Variants in ATP8A2 observed in about 807,000 individuals in gnomAD.
ATP8A2 encodes phospholipid-transporting ATPase IB.
Under a neutral mutation model 165.6 loss-of-function variants are expected in ATP8A2, and 100 were observed. The observed-to-expected ratio is 0.60, with a 90% CI of 0.51 to 0.71. The LOEUF (loss-of-function observed/expected upper bound fraction) is 0.71. Among genes scored for constraint, ATP8A2 ranks in the 30% least tolerant of loss-of-function variants. The pLI is 0.00. For missense variants in ATP8A2, 1,227 were observed against 1,479.5 expected, an observed-to-expected ratio of 0.83 and a Z score of 2.80; for synonymous variants, 543 against 548.8, an observed-to-expected ratio of 0.99 and a Z score of 0.15.
chr13:25,701,210 T>A (rs2137923475), intron 25 of ATP8A2, among the ~76,000 whole-genome samples: 1 of 152,298 alleles, frequency 6.6e-6, no homozygotes, highest in Non-Finnish European at 1.5e-5. Context: ...TATCTTTTTC[T>A]TTTGTGCTTT....
At chr13:25,633,198 G>A (rs1279107619) in intron 24 of ATP8A2, among the ~76,000 whole-genome samples, 2 of 152,154 alleles carry the variant, frequency 1.3e-5, no homozygotes, top group Non-Finnish European at 2.9e-5. Context: ...AATGAGGCAT[G>A]ATATTGTTAC....
intron 13 of ATP8A2, 111 bp from the exon 14 acceptor site, chr13:25,558,862 A>G (rs2039059201): frequency 1.5e-6 from 1 of 651,488 alleles, no homozygotes; most frequent in Non-Finnish European, 2.5e-6. Flanking sequence ...TGCTTTAGGG[A>G]AATCTACCCG....
At chr13:25,993,284 G>T (rs1956431745) in intron 35 of ATP8A2, among the ~76,000 whole-genome samples, 1 of 152,144 alleles carries the variant, frequency 6.6e-6, no homozygotes, top group African/African-American at 2.4e-5. Flanking sequence ...CAAACCCACA[G>T]CCAATATCAT....
chr13:25,533,161 T>C, intron 5 of ATP8A2, 112 bp from the exon 6 acceptor site: 1 of 672,420 alleles, frequency 1.5e-6, no homozygotes, highest in Admixed American at 2.5e-5. Context: ...TGGCTAAAGA[T>C]AGGGTATGTT....
chr13:25,654,680 T>C (rs933848232), intron 24 of ATP8A2, among the ~76,000 whole-genome samples: 1 of 152,192 alleles, frequency 6.6e-6, no homozygotes, highest in Non-Finnish European at 1.5e-5. Context: ...CTGTCCTTAG[T>C]CTGTGCCCTT....
chr13:25,751,365 A>G (rs914613003), intron 25 of ATP8A2, among the ~76,000 whole-genome samples: 1 of 152,216 alleles, frequency 6.6e-6, no homozygotes, highest in African/African-American at 2.4e-5. Context: ...CATCACTGAA[A>G]TGGCTTCATT....
At chr13:25,988,352 A>G (rs1380261686) in intron 35 of ATP8A2, among the ~76,000 whole-genome samples, 2 of 152,246 alleles carry the variant, frequency 1.3e-5, no homozygotes, top group African/African-American at 4.8e-5. Context: ...GATGGCAGCC[A>G]TATGCTTTCT....
At chr13:25,620,159 A>G (rs2040932090) in intron 24 of ATP8A2, among the ~76,000 whole-genome samples, 1 of 152,242 alleles carries the variant, frequency 6.6e-6, no homozygotes, top group Admixed American at 6.5e-5. Context: ...AACAAGGATC[A>G]GTAAATACAT....
chr13:25,761,511 T>C (rs1358175101), intron 25 of ATP8A2, among the ~76,000 whole-genome samples: 5 of 152,080 alleles, frequency 3.3e-5, no homozygotes, highest in African/African-American at 1.2e-4. Context: ...GGCAAAGTGA[T>C]GCACACCTGC....
At position 25,542,042 on chromosome 13, in the gene ATP8A2, A is replaced by T; in HGVS notation, c.775A>T (p.Lys259Ter). 1 of 1,613,668 alleles carries T rather than the reference A, an allele frequency of 6.2e-7. No individual in the cohort carries two copies. The highest frequency in any genetic ancestry group is 8.5e-7 in the Non-Finnish European group (1 of 1,179,636). Reference sequence around the variant, plus strand: ...CACTGGAAACTTGAACTTAGATGGGAAAAGGTATTATATGCCTTTTCTTCA... The same window carrying T: ...CACTGGAAACTTGAACTTAGATGGGTAAAGGTATTATATGCCTTTTCTTCA... ...DFTGNLNLDG[K>*]SLVALGPDQI... The change falls in exon 9 of 37, where the codon AAA becomes TAA. Residue 259 changes from lysine to a stop codon, truncating the protein, a stop_gained. Transcript: ENST00000381655. LOFTEE classifies it high-confidence loss of function.
At chr13:25,489,733 T>C (rs568924974) in intron 2 of ATP8A2, among the ~76,000 whole-genome samples, 41 of 152,358 alleles carry the variant, frequency 2.7e-4, no homozygotes, top group African/African-American at 9.1e-4. Context: ...TAATTGCTTA[T>C]TGAACAAAGT....
chr13:25,834,954 C>T (rs979482650), intron 28 of ATP8A2, among the ~76,000 whole-genome samples: 14 of 150,640 alleles, frequency 9.3e-5, no homozygotes, highest in African/African-American at 3.2e-4. Flanking sequence ...CCAGTGTCAA[C>T]GTTTTATGAA....
At chr13:25,564,262 A>G in intron 16 of ATP8A2, among the ~76,000 whole-genome samples, 1 of 152,224 alleles carries the variant, frequency 6.6e-6, no homozygotes, top group East Asian at 1.9e-4. Flanking sequence ...CACCAAGATC[A>G]AGACGAGTTT....
chr13:25,904,787 A>G (rs978741566), intron 33 of ATP8A2, among the ~76,000 whole-genome samples: 6 of 152,178 alleles, frequency 3.9e-5, no homozygotes, highest in Non-Finnish European at 8.8e-5. Context: ...TCATTCTCTC[A>G]TCAGACTCTG....
At chr13:25,908,412 G>C (rs1954009631) in intron 33 of ATP8A2, among the ~76,000 whole-genome samples, 1 of 152,212 alleles carries the variant, frequency 6.6e-6, no homozygotes, top group South Asian at 2.1e-4. Flanking sequence ...ACTGATCTTG[G>C]ATACTTTCAT....
At chr13:25,709,988 A>G (rs1052334374) in intron 25 of ATP8A2, among the ~76,000 whole-genome samples, 11 of 152,214 alleles carry the variant, frequency 7.2e-5, no homozygotes, top group African/African-American at 2.7e-4. Flanking sequence ...AGTCTTCAGG[A>G]TAACTCATCG....
At chr13:25,972,362 T>C (rs999638681) in intron 35 of ATP8A2, among the ~76,000 whole-genome samples, 23 of 152,370 alleles carry the variant, frequency 1.5e-4, no homozygotes, top group Admixed American at 1.5e-3. Context: ...TTAATAAGCC[T>C]GTTCTCATGA....
intron 35 of ATP8A2, among the ~76,000 whole-genome samples, chr13:26,001,042 C>G (rs1184868071): frequency 6.6e-6 from 1 of 152,188 alleles, no homozygotes; most frequent in Non-Finnish European, 1.5e-5. Context: ...TCCTTTCCCC[C>G]ACCTCCCTGC....
chr13:25,441,284 A>G (rs2034925261), intron 1 of ATP8A2, among the ~76,000 whole-genome samples: 1 of 152,216 alleles, frequency 6.6e-6, no homozygotes, highest in African/African-American at 2.4e-5. Context: ...GTACTTGGTG[A>G]AAGTCATAAC....
Sources: gnomAD v4.1 joint callset for allele counts (sites outside exome capture counted in the v4.1 genomes callset) on GRCh38, gnomAD v4.1.1 for gene constraint, MANE v1.5 for transcripts, NCBI Gene and HGNC (gene_info 2026-07-23, HGNC 2026-07-21) for gene names.